The following CFAP69 variants were observed in gnomAD, a reference collection of about 807,000 sequenced individuals.
CFAP69 encodes cilia- and flagella-associated protein 69.
Under a neutral mutation model 123.0 loss-of-function variants are expected in CFAP69, and 92 were observed. The observed-to-expected ratio is 0.75, with a 90% CI of 0.63 to 0.89. The LOEUF (loss-of-function observed/expected upper bound fraction) is 0.89. Ranked by LOEUF, CFAP69 falls within the 40% of genes least tolerant of loss-of-function variation. The pLI, the probability that CFAP69 is intolerant of heterozygous loss-of-function variation, is 0.00. For synonymous variants in CFAP69, 380 were observed against 364.3 expected, an observed-to-expected ratio of 1.04 and a Z score of -0.49; for missense variants, 1,067 against 1,096.9, an observed-to-expected ratio of 0.97 and a Z score of 0.39.
intron 1 of CFAP69, among the ~76,000 whole-genome samples, chr7:90,251,626 G>A (rs1392982517): frequency 6.6e-6 from 1 of 151,996 alleles, no homozygotes. Context: ...AGCTGCATGA[G>A]GTGAGGACAT....
At chr7:90,275,119 C>G (rs979983508) in intron 9 of CFAP69, among the ~76,000 whole-genome samples, 5 of 152,062 alleles carry the variant, frequency 3.3e-5, no homozygotes, top group Non-Finnish European at 5.9e-5. Context: ...TTAATCTCAT[C>G]CAGTGCATTT....
chr7:90,273,928 G>T, intron 8 of CFAP69, 59 bp from the exon 9 acceptor site: 1 of 1,295,914 alleles, frequency 7.7e-7, no homozygotes, highest in South Asian at 1.5e-5. Context: ...GAATTTTGGA[G>T]GGACGCAAAC....
chr7:90,285,328 A>G (rs1008913033), intron 13 of CFAP69, among the ~76,000 whole-genome samples: 11 of 152,156 alleles, frequency 7.2e-5, no homozygotes, highest in Admixed American at 3.3e-4. Context: ...GAGATAGGCT[A>G]TGATTTCCAT....
intron 1 of CFAP69, among the ~76,000 whole-genome samples, chr7:90,246,637 A>G (rs1257866188): frequency 6.6e-6 from 1 of 152,170 alleles, no homozygotes; most frequent in Non-Finnish European, 1.5e-5. Flanking sequence ...GGCGGGGAGA[A>G]TTTTGAGGAA....
At chr7:90,309,230 T>C in intron 21 of CFAP69, 33 bp from the exon 22 acceptor site, 1 of 1,039,592 alleles carries the variant, frequency 9.6e-7, no homozygotes, top group Non-Finnish European at 1.4e-6. Context: ...TTAATAGCAA[T>C]TAATATTTTC....
chr7:90,252,930 G>A (rs1326728076), intron 1 of CFAP69, among the ~76,000 whole-genome samples: 2 of 152,242 alleles, frequency 1.3e-5, no homozygotes, highest in East Asian at 1.9e-4. Context: ...AGTATGTATT[G>A]CAGATTTAAA....
chr7:90,290,096 C>G (rs1790903261), intron 15 of CFAP69, among the ~76,000 whole-genome samples: 1 of 152,028 alleles, frequency 6.6e-6, no homozygotes, highest in Admixed American at 6.6e-5. Context: ...TGACCCCTTG[C>G]ATTTGGATAT....
chr7:90,260,411 T>C (rs1036890806), intron 3 of CFAP69, among the ~76,000 whole-genome samples: 6 of 151,910 alleles, frequency 3.9e-5, no homozygotes, highest in African/African-American at 1.5e-4. Flanking sequence ...TTTTATCTTC[T>C]CCAGAGGCTG....
Position 90,304,035 on chromosome 7 carries a change from G to C in CFAP69, c.2117G>C (p.Cys706Ser), listed in dbSNP as rs1194331055. The change falls in exon 18 of 23, where the codon TGC (cysteine) becomes TCC (serine). Residue 706 changes from cysteine to serine, a missense_variant. Physicochemically the swap from Cys to Ser is moderately radical, Grantham distance 112 (BLOSUM62 -1). Transcript: ENST00000389297. Reference sequence around the variant, plus strand: ...AAAATCATCCCACTGCCTGCTAACTGCCCATCTATTGCGGTTATGGATGTT... The same window carrying C: ...AAAATCATCCCACTGCCTGCTAACTCCCCATCTATTGCGGTTATGGATGTT... The part of the protein sequence containing the change: ...EQKIIPLPAN[C>S]PSIAVMDVSE... 1 of 1,550,948 alleles carries C rather than the reference G, an allele frequency of 6.4e-7. No individual in the cohort carries two copies. The highest frequency in any genetic ancestry group is 1.4e-5 in the African/African-American group (1 of 72,978).
At chr7:90,260,736 A>G (rs1798208381) in intron 3 of CFAP69, among the ~76,000 whole-genome samples, 1 of 152,080 alleles carries the variant, frequency 6.6e-6, no homozygotes. Flanking sequence ...GAAAATGTCT[A>G]CTAGCAGGGA....
At chr7:90,312,013 G>A (rs17863066), downstream of CFAP69, among the ~76,000 whole-genome samples, 8,117 of 152,318 alleles carry the variant, frequency 0.053, 273 homozygotes, top group Non-Finnish European at 0.077. Flanking sequence ...GATGTGAAGT[G>A]TCCATGGCTA....
chr7:90,269,823 TTTG>T (rs1799695443), intron 6 of CFAP69, among the ~76,000 whole-genome samples: 1 of 152,050 alleles, frequency 6.6e-6, no homozygotes, highest in Non-Finnish European at 1.5e-5. Context: ...TTATTTGGGT[TTTG>T]TTGTTTTTAG....
At chr7:90,289,647 C>T (rs1562900304) in intron 15 of CFAP69, among the ~76,000 whole-genome samples, 1 of 152,146 alleles carries the variant, frequency 6.6e-6, no homozygotes, top group African/African-American at 2.4e-5. Context: ...ATTTACCAGT[C>T]TTTTTTTATG....
In CFAP69 at chr7:90,261,994, A is replaced by G. The variant is rs746210057; in HGVS notation, c.294A>G (p.Ser98=). 3 of 1,603,310 alleles carry G rather than the reference A, an allele frequency of 1.9e-6. No homozygotes were observed. In the South Asian group the frequency reaches 3.4e-5, roughly 18 times the overall value. ...AQIFKILNLC[S]GKIKNQPRFI... ...TATTTAAAATTCTGAATCTGTGTTC[A>G]GGAAAAATAAAAAACCAGCCTCGTT... Residue 98 remains serine (S), a synonymous_variant, in exon 4 of 23, where the codon TCA becomes TCG. Coordinates refer to ENST00000389297, the MANE Select transcript of CFAP69 (RefSeq NM_001039706.3).
Position 90,268,376 on chromosome 7 carries a change from A to T in CFAP69, c.524A>T (p.His175Leu). ...DFYHAEPPKK[H>L]IPGYQQASSS... ...TATCATGCAGAACCACCAAAGAAGC[A>T]TATTCCAGGTGAAGTTTACAATGGT... Residue 175 changes from histidine (H) to leucine (L), a missense_variant, in exon 6 of 23, where the codon CAT becomes CTT. His to Leu is a moderately conservative substitution (Grantham distance 99). Transcript: ENST00000389297. 6.2e-7 allele frequency: 1 copy of T among 1,607,014 alleles called. No individual in the cohort carries two copies. The highest frequency in any genetic ancestry group is 8.5e-7 in the Non-Finnish European group (1 of 1,175,468).
chr7:90,314,680 C>T (rs1584585624), downstream of CFAP69, among the ~76,000 whole-genome samples: 1 of 138,334 alleles, frequency 7.2e-6, no homozygotes, highest in East Asian at 2.0e-4. Flanking sequence ...TGCAACTTCT[C>T]TGCAAATTTA....
chr7:90,261,441 T>G (rs914378100), intron 3 of CFAP69, among the ~76,000 whole-genome samples: 1 of 152,192 alleles, frequency 6.6e-6, no homozygotes, highest in Non-Finnish European at 1.5e-5. Flanking sequence ...CATATTAGTT[T>G]CAGATAAAAT....
chr7:90,245,888 T>G (rs904388268), intron 1 of CFAP69, among the ~76,000 whole-genome samples: 1 of 152,122 alleles, frequency 6.6e-6, no homozygotes, highest in African/African-American at 2.4e-5. Flanking sequence ...TAGCAAAATC[T>G]TGATTTGATG....
chr7:90,286,000 C>A (rs145837922), intron 13 of CFAP69, among the ~76,000 whole-genome samples: 1 of 152,114 alleles, frequency 6.6e-6, no homozygotes, highest in African/African-American at 2.4e-5. Context: ...AAAATATCCT[C>A]TTCTAAAATA....
Sources: allele counts gnomAD v4.1 joint callset (sites outside exome capture counted in the v4.1 genomes callset), GRCh38; gene constraint gnomAD v4.1.1; transcripts MANE v1.5; gene names NCBI Gene and HGNC (gene_info 2026-07-23, HGNC 2026-07-21).